MAP3K14: variants seen among roughly 807,000 people sequenced by gnomAD.
MAP3K14 encodes the protein NF-kappa-beta-inducing kinase.
In MAP3K14, 16 loss-of-function variants were observed where a neutral mutation model predicts 99.2. The observed-to-expected ratio is 0.16, with a 90% confidence interval of 0.11 to 0.24. MAP3K14 has a LOEUF of 0.24. Among genes scored for constraint, MAP3K14 ranks in the 10% least tolerant of loss-of-function variants. The pLI is 1.00. For missense variants in MAP3K14, 784 were observed against 1,208.7 expected, an observed-to-expected ratio of 0.65 and a Z score of 5.21; for synonymous variants, 462 against 492.4, an observed-to-expected ratio of 0.94 and a Z score of 0.82.
chr17:45,276,082 G>A (rs936047618), intron 6 of MAP3K14, among the ~76,000 whole-genome samples: 3 of 151,840 alleles, frequency 2.0e-5, no homozygotes, highest in Non-Finnish European at 4.4e-5. Context: ...CTTTCCCGGA[G>A]GACTAAAACA....
At position 45,273,516 on chromosome 17, in the gene MAP3K14, C is replaced by A; in HGVS notation, c.1644G>T (p.Lys548Asn). Residue 548 changes from lysine (K) to asparagine (N), a missense_variant, in exon 9 of 16, where the codon AAG (lysine) becomes AAT (asparagine). This residue lies in a region of MAP3K14 where 200 missense variants were observed against 367.9 expected (regional missense o/e 0.54). Coordinates refer to ENST00000344686, the MANE Select transcript of MAP3K14 (RefSeq NM_003954.5). ...AVCLQPDGLG[K>N]SLLTGDYIPG... ...GGGGGGCCTTACCTGTGAGCAAGGA[C>A]TTTCCCAGGCCATCAGGTTGAAGAC... 3.1e-6 allele frequency: 5 copies of A among 1,611,324 alleles called. No homozygotes were observed. The highest frequency in any genetic ancestry group is 1.1e-5 in the South Asian group (1 of 90,742).
At chr17:45,300,136 A>G (rs756869280) in intron 1 of MAP3K14, among the ~76,000 whole-genome samples, 1 of 152,176 alleles carries the variant, frequency 6.6e-6, no homozygotes, top group African/African-American at 2.4e-5. Context: ...GTCAAACTGC[A>G]GGGTAAATAC....
At chr17:45,305,123 A>G (rs1013699637) in intron 1 of MAP3K14, among the ~76,000 whole-genome samples, 1 of 152,032 alleles carries the variant, frequency 6.6e-6, no homozygotes, top group South Asian at 2.1e-4. Context: ...TTTGAGACGG[A>G]GTCTTGCTCT....
intron 6 of MAP3K14, among the ~76,000 whole-genome samples, chr17:45,278,611 T>C (rs2143801749): frequency 1.3e-5 from 2 of 152,112 alleles, no homozygotes; most frequent in Middle Eastern, 3.4e-3. Flanking sequence ...CAGCAGCGCT[T>C]TTACTCGGGC....
intron 6 of MAP3K14, among the ~76,000 whole-genome samples, chr17:45,278,348 C>T (rs565860810): frequency 7.0e-4 from 107 of 152,320 alleles, no homozygotes; most frequent in Non-Finnish European, 1.3e-3. Context: ...CGTCTGGCCA[C>T]CCCTCCTCTC....
intron 1 of MAP3K14, among the ~76,000 whole-genome samples, chr17:45,313,024 T>G (rs2044496261): frequency 6.6e-6 from 1 of 152,180 alleles, no homozygotes; most frequent in South Asian, 2.1e-4. Context: ...TGTCTCCAGC[T>G]CAGAGTTAGG....
intron 5 of MAP3K14, among the ~76,000 whole-genome samples, chr17:45,285,585 C>T (rs2044257516): frequency 1.3e-5 from 2 of 151,896 alleles, no homozygotes; most frequent in African/African-American, 4.8e-5. Context: ...GTTATAGTGC[C>T]ACTACACTCC....
chr17:45,264,926 GGACTCAGA>G (rs2044062397), intron 15 of MAP3K14, 126 bp from the exon 16 acceptor site: 1 of 1,065,086 alleles, frequency 9.4e-7, no homozygotes, highest in African/African-American at 1.6e-5. Context: ...TCATTCCACG[GGACTCAGA>G]GAATCCCACC....
In MAP3K14 at chr17:45,284,912, A is replaced by G. The variant is rs371103552; in HGVS notation, c.1190T>C (p.Val397Ala). 8.6e-5 allele frequency: 133 copies of G among 1,554,828 alleles called. 1 individual carries two copies. Among genetic ancestry groups the G allele is most frequent in the South Asian group, 7.2e-4 (61 of 84,172 alleles). Reference protein sequence around the residue: ...KPVDYEYREEVHWATHQLRLG... With the variant: ...KPVDYEYREEAHWATHQLRLG... ...GCGGAGCTGGTGCGTGGCCCAGTGG[A>G]CTTCTTCTCGGTACTCATAATCCAC... The change falls in exon 6 of 16, where the codon GTC becomes GCC. Residue 397 changes from valine to alanine, a missense_variant. By Grantham distance (64) the Val-to-Ala change is moderately conservative (BLOSUM62 0). Transcript: ENST00000344686.
At chr17:45,266,028 A>G (rs35397363) in intron 14 of MAP3K14, among the ~76,000 whole-genome samples, 14 of 152,364 alleles carry the variant, frequency 9.2e-5, no homozygotes, top group African/African-American at 2.9e-4. Flanking sequence ...CTTGCCCTGG[A>G]GAGGGCCAGG....
chr17:45,307,291 A>G (rs1046075340), intron 1 of MAP3K14, among the ~76,000 whole-genome samples: 1 of 152,044 alleles, frequency 6.6e-6, no homozygotes. Context: ...TTAATTAATT[A>G]ATTAAAAAAA....
At chr17:45,268,306 A>T (rs1382100336) in intron 11 of MAP3K14, 1 of 152,224 alleles carries the variant, frequency 6.6e-6, no homozygotes, top group East Asian at 1.9e-4. Flanking sequence ...TCCTATAATC[A>T]CAGCCTTTTT....
At chr17:45,275,000 G>A (rs1417667599) in intron 6 of MAP3K14, among the ~76,000 whole-genome samples, 4 of 151,904 alleles carry the variant, frequency 2.6e-5, no homozygotes, top group African/African-American at 7.3e-5. Context: ...TTAGCTGGGC[G>A]TGGCGGCGGG....
At chr17:45,289,037 A>G (rs1405129596) in intron 3 of MAP3K14, among the ~76,000 whole-genome samples, 199 bp downstream of exon 3, 1 of 152,238 alleles carries the variant, frequency 6.6e-6, no homozygotes, top group Non-Finnish European at 1.5e-5. Flanking sequence ...GTCAGCCACA[A>G]GCTGTGAAAA....
intron 1 of MAP3K14, among the ~76,000 whole-genome samples, chr17:45,298,172 T>C (rs2044360173): frequency 6.6e-6 from 1 of 152,168 alleles, no homozygotes; most frequent in Non-Finnish European, 1.5e-5. Flanking sequence ...AAAATTACAG[T>C]TAGTATGTAT....
intron 1 of MAP3K14, among the ~76,000 whole-genome samples, chr17:45,302,167 GT>G (rs35204395): frequency 0.33 from 50,002 of 150,142 alleles, 8,599 homozygotes; most frequent in East Asian, 0.63. Context: ...TTTCTAAGTG[GT>G]TAAAAAAAAA....
At chr17:45,308,383 T>C (rs982809541) in intron 1 of MAP3K14, among the ~76,000 whole-genome samples, 1 of 152,202 alleles carries the variant, frequency 6.6e-6, no homozygotes, top group Non-Finnish European at 1.5e-5. Context: ...AACTCTCTAG[T>C]GGCACCAAGC....
At position 45,266,613 on chromosome 17, in the gene MAP3K14, C is replaced by A; in HGVS notation, c.2502G>T (p.Gln834His). 1.2e-6 allele frequency: 2 copies of A among 1,613,876 alleles called. No homozygotes were observed. The highest frequency in any genetic ancestry group is 1.7e-6 in the Non-Finnish European group (2 of 1,179,874). ...LSSGVHSWSS[Q>H]AEARSSSWNM... ...TCCAGCTGGAGCTTCGAGCCTCGGC[C>A]TGGCTGCTCCAGGAGTGTACGCCTG... Residue 834 changes from glutamine (Q) to histidine (H), a missense_variant, in exon 14 of 16, where the codon CAG becomes CAT. Around this residue, in one of 5 missense-constraint regions of MAP3K14, gnomAD observed 130 missense variants for 220.4 expected, o/e 0.59. Transcript: ENST00000344686.
At chr17:45,280,002 A>T (rs934121595) in intron 6 of MAP3K14, among the ~76,000 whole-genome samples, 1 of 152,172 alleles carries the variant, frequency 6.6e-6, no homozygotes, top group Admixed American at 6.5e-5. Flanking sequence ...CCCCCATTAC[A>T]ACTCGGGTTC....
Sources: gnomAD v4.1 joint callset for allele counts (sites outside exome capture counted in the v4.1 genomes callset) on GRCh38, gnomAD v4.1.1 for gene constraint, gnomAD v4.1.1 regional missense constraint, MANE v1.5 for transcripts, NCBI Gene and HGNC (gene_info 2026-07-23, HGNC 2026-07-21) for gene names.